The following FBXO4 variants were observed in gnomAD, a reference collection of about 807,000 sequenced individuals.
FBXO4 encodes the protein F-box protein 4.
In FBXO4, 36 loss-of-function variants were observed where a neutral mutation model predicts 43.7. The observed-to-expected ratio is 0.82, with a 90% CI of 0.63 to 1.09. The LOEUF (loss-of-function observed/expected upper bound fraction) is 1.09, where lower values mean the gene tolerates loss of function less well. Ranked by LOEUF, FBXO4 falls within the 50% of genes least tolerant of loss-of-function variation. FBXO4 has a pLI of 0.00. For missense variants in FBXO4, 435 were observed against 474.1 expected, an observed-to-expected ratio of 0.92 and a Z score of 0.77; for synonymous variants, 180 against 165.6, an observed-to-expected ratio of 1.09 and a Z score of -0.67.
the FBXO4 span, among the ~76,000 whole-genome samples, chr5:42,003,783 C>T: frequency 2.0e-5 from 3 of 151,286 alleles, no homozygotes; most frequent in African/African-American, 7.3e-5. Flanking sequence ...GTTTTCTGTC[C>T]TTGCTAGTTC....
At chr5:41,967,083 C>A in the FBXO4 span, 1 of 256,406 alleles carries the variant, frequency 3.9e-6, no homozygotes, top group Non-Finnish European at 7.9e-6. Context: ...TCTCGGCTTG[C>A]TTTGTTTCTT....
chr5:41,997,035 T>C, the FBXO4 span, among the ~76,000 whole-genome samples: 1 of 152,038 alleles, frequency 6.6e-6, no homozygotes, highest in Non-Finnish European at 1.5e-5. Context: ...AGCTGGAGAG[T>C]TGATAAACAC....
chr5:41,983,772 C>G, the FBXO4 span, among the ~76,000 whole-genome samples: 1 of 151,948 alleles, frequency 6.6e-6, no homozygotes, highest in Non-Finnish European at 1.5e-5. Context: ...TTCTCCTTTT[C>G]AGTTTTTAAA....
At chr5:41,966,170 T>A in the FBXO4 span, among the ~76,000 whole-genome samples, 2 of 152,034 alleles carry the variant, frequency 1.3e-5, no homozygotes, top group Admixed American at 1.3e-4. Context: ...AGGGGGAGGA[T>A]AGCATTTGGA....
the FBXO4 span, among the ~76,000 whole-genome samples, chr5:42,020,201 A>G: frequency 6.6e-6 from 1 of 152,190 alleles, no homozygotes; most frequent in Non-Finnish European, 1.5e-5. Flanking sequence ...AAAGGTAGCC[A>G]CAAGAAATTA....
the FBXO4 span, among the ~76,000 whole-genome samples, chr5:42,038,243 C>A: frequency 1.3e-5 from 2 of 152,050 alleles, no homozygotes; most frequent in African/African-American, 2.4e-5. Context: ...CACCACGAAG[C>A]AAGACGACAC....
chr5:42,039,291 A>C, the FBXO4 span, among the ~76,000 whole-genome samples: 1 of 152,090 alleles, frequency 6.6e-6, no homozygotes, highest in African/African-American at 2.4e-5. Flanking sequence ...ATTTGCTGAA[A>C]GAGTGAGACT....
the FBXO4 span, among the ~76,000 whole-genome samples, chr5:41,999,546 T>A: frequency 1.4e-5 from 1 of 73,604 alleles, no homozygotes; most frequent in African/African-American, 8.0e-5. Flanking sequence ...CATATATATG[T>A]ATATATATAT....
At chr5:41,953,536 G>T in the FBXO4 span, among the ~76,000 whole-genome samples, 1 of 151,740 alleles carries the variant, frequency 6.6e-6, no homozygotes, top group Admixed American at 6.6e-5. Context: ...TGGGTCAAAT[G>T]GTATTTCTAG....
At chr5:41,982,159 T>G in the FBXO4 span, among the ~76,000 whole-genome samples, 1 of 152,204 alleles carries the variant, frequency 6.6e-6, no homozygotes, top group South Asian at 2.1e-4. Context: ...TTGTTGGACA[T>G]TTGGGTTGGT....
chr5:41,925,464 T>G lies in FBXO4; in HGVS notation c.155T>G (p.Val52Gly). 1 of 1,334,290 alleles carries G rather than the reference T, an allele frequency of 7.5e-7. No individual in the cohort carries two copies. Among genetic ancestry groups the G allele is most frequent in the South Asian group, 2.0e-5 (1 of 50,488 alleles). 82.7% of individuals were successfully genotyped at this position (1,334,290 alleles called of 1,614,324 possible). Reference protein sequence around the residue: ...RVARTTSREEVDEAASTLTRL... With the variant: ...RVARTTSREEGDEAASTLTRL... Reference sequence around the variant, plus strand: ...GCGCGTACGACCTCACGGGAGGAGGTGGATGAGGCGGCCAGCACCCTGACG... The same window carrying G: ...GCGCGTACGACCTCACGGGAGGAGGGGGATGAGGCGGCCAGCACCCTGACG... Residue 52 changes from valine (V) to glycine (G), a missense_variant, in exon 1 of 7, where the codon GTG becomes GGG. Coordinates refer to ENST00000281623, the MANE Select transcript of FBXO4 (RefSeq NM_012176.3).
At chr5:42,021,682 CAGAATT>C in the FBXO4 span, among the ~76,000 whole-genome samples, 1 of 152,040 alleles carries the variant, frequency 6.6e-6, no homozygotes, top group Non-Finnish European at 1.5e-5. Context: ...AGATTAAGAG[CAGAATT>C]AGTTAAAAGT....
chr5:42,003,354 A>T, the FBXO4 span, among the ~76,000 whole-genome samples: 1 of 152,194 alleles, frequency 6.6e-6, no homozygotes, highest in African/African-American at 2.4e-5. Flanking sequence ...TTAACTACAG[A>T]CACTTAAGAA....
At chr5:42,029,331 T>C in the FBXO4 span, among the ~76,000 whole-genome samples, 4 of 152,082 alleles carry the variant, frequency 2.6e-5, no homozygotes, top group Non-Finnish European at 5.9e-5. Context: ...AGCTCCATTG[T>C]ATATTATCTG....
chr5:42,029,119 G>A, the FBXO4 span, among the ~76,000 whole-genome samples: 6 of 151,808 alleles, frequency 4.0e-5, no homozygotes, highest in Non-Finnish European at 5.9e-5. Flanking sequence ...TTTTCCTGTA[G>A]GACAGGTCTG....
the FBXO4 span, among the ~76,000 whole-genome samples, chr5:41,985,764 C>A: frequency 6.6e-6 from 1 of 152,072 alleles, no homozygotes; most frequent in Non-Finnish European, 1.5e-5. Flanking sequence ...TAACCCAGCT[C>A]ATTTAAGAGC....
At chr5:42,004,616 G>C in the FBXO4 span, among the ~76,000 whole-genome samples, 124 of 152,284 alleles carry the variant, frequency 8.1e-4, no homozygotes, top group African/African-American at 2.9e-3. Context: ...CAGATTCAAA[G>C]CTCTTTCCTC....
chr5:41,942,459 ATAT>A (rs142978263), downstream of FBXO4, among the ~76,000 whole-genome samples: 1,249 of 151,188 alleles, frequency 8.3e-3, 32 homozygotes, highest in South Asian at 0.087. Context: ...TATAATTAAG[ATAT>A]TATATCTGAT....
the FBXO4 span, among the ~76,000 whole-genome samples, chr5:41,977,468 A>C: frequency 6.6e-6 from 1 of 152,206 alleles, no homozygotes; most frequent in African/African-American, 2.4e-5. Flanking sequence ...GCTGCTTAAA[A>C]ATTTCTTCTG....
Sources: gnomAD v4.1 joint callset for allele counts (sites outside exome capture counted in the v4.1 genomes callset) on GRCh38, gnomAD v4.1.1 for gene constraint, MANE v1.5 for transcripts, NCBI Gene and HGNC (gene_info 2026-07-23, HGNC 2026-07-21) for gene names.